The following ORC6 variants were observed in gnomAD, a reference collection of about 807,000 sequenced individuals.
ORC6 encodes the protein origin recognition complex, subunit 6 homolog-like (yeast).
A neutral mutation model predicts 30.0 loss-of-function variants in ORC6; 31 were observed. That is an observed-to-expected ratio of 1.03 (90% CI 0.78 to 1.40). The LOEUF is 1.40. Ranked by LOEUF, ORC6 falls within the 40% of genes most tolerant of loss-of-function variation. ORC6 has a pLI of 0.00. For missense variants in ORC6, 340 were observed against 304.3 expected (o/e 1.12, Z -0.87); for synonymous variants, 136 against 111.2 (o/e 1.22, Z -1.40).
rs747944499 is a variant in ORC6, at chr16:46,692,506, G to T, written c.320G>T (p.Cys107Phe). 6.2e-7 allele frequency: 1 copy of T among 1,613,868 alleles called. No homozygotes were observed. ...GIRDLAVQFS[C>F]IEAVNMASKI... The stretch of plus-strand genomic sequence containing the variant: ...AGAGACCTAGCTGTACAGTTTAGCT[G>T]TATAGAAGCAGTGAACATGGCTTCA... The change falls in exon 3 of 7, where the codon TGT becomes TTT. Residue 107 changes from cysteine (C) to phenylalanine (F), a missense_variant. Transcript: ENST00000219097.
Position 46,691,009 on chromosome 16 carries a change from G to C in ORC6, c.84G>C (p.Leu28Phe). ...TAACCAGGAAAGCAGAGGAGTACTT[G>C]CGCCTGTCCCGGGTGAAGTGTGTCG... Reference protein sequence around the residue: ...PDMLRKAEEYLRLSRVKCVGL... With the variant: ...PDMLRKAEEYFRLSRVKCVGL... The change falls in exon 2 of 7, where the codon TTG becomes TTC. Residue 28 changes from leucine (L) to phenylalanine (F), a missense_variant. Coordinates refer to ENST00000219097, the MANE Select transcript of ORC6 (RefSeq NM_014321.4). The C allele has an allele frequency of 6.2e-7, 1 of 1,614,250 alleles. No homozygotes were observed. Among genetic ancestry groups the C allele is most frequent in the Non-Finnish European group, 8.5e-7 (1 of 1,180,046 alleles).
Position 46,693,125 on chromosome 16 carries a change from T to C in ORC6, c.392T>C (p.Val131Ala). The change falls in exon 4 of 7, where the codon GTG becomes GCG. Residue 131 changes from valine to alanine, a missense_variant. Transcript: ENST00000219097. ...TCCAGTCTTCCCCAGACACAGCAAGTGGATCTTGACTTATCCAGGCCACTT... is the reference window on the plus strand; with the variant it reads ...TCCAGTCTTCCCCAGACACAGCAAGCGGATCTTGACTTATCCAGGCCACTT... ...YESSLPQTQQVDLDLSRPLFT... is the reference protein window; with the variant it reads ...YESSLPQTQQADLDLSRPLFT... 6.2e-7 allele frequency: 1 copy of C among 1,612,992 alleles called. No individual in the cohort carries two copies. Among genetic ancestry groups the C allele is most frequent in the Non-Finnish European group, 8.5e-7 (1 of 1,178,954 alleles).
chr16:46,696,239 AG>A, intron 6 of ORC6, 154 bp downstream of exon 6: 1 of 691,280 alleles, frequency 1.4e-6, no homozygotes, highest in East Asian at 2.7e-5. Context: ...CAGTAATGGA[AG>A]TAACATCGTT....
rs760343162 is a variant in ORC6 at position 46,689,723 on chromosome 16, C to G, written c.18C>G (p.Ile6Met). MGSEL[I>M]GRLAPRLGLA... ...CCGGCGCCATGGGGTCGGAGCTGAT[C>G]GGGCGCCTAGCCCCGCGCCTGGGCC... Residue 6 changes from isoleucine (I) to methionine (M), a missense_variant, in exon 1 of 7, where the codon ATC (isoleucine) becomes ATG (methionine). By Grantham distance (10) the Ile-to-Met change is conservative. Coordinates refer to ENST00000219097, the MANE Select transcript of ORC6 (RefSeq NM_014321.4). The G allele has an allele frequency of 3.1e-6, 5 of 1,602,220 alleles. No individual in the cohort carries two copies. In the East Asian group the frequency reaches 6.7e-5, roughly 22 times the overall value.
In ORC6 at chr16:46,697,482, C is replaced by T. The variant is rs750790860; in HGVS notation, c.656C>T (p.Pro219Leu). 9.3e-6 allele frequency: 15 copies of T among 1,613,000 alleles called. No individual in the cohort carries two copies. Among genetic ancestry groups the T allele is most frequent in the South Asian group, 2.2e-5 (2 of 91,032 alleles). The change falls in exon 7 of 7, where the codon CCA becomes CTA. Residue 219 changes from proline (P) to leucine (L), a missense_variant. Physicochemically the swap from Pro to Leu is moderately conservative, Grantham distance 98. Transcript: ENST00000219097. ...GAAATGGAGAAGGTAGAGGAGATGC[C>T]ACATAAACCACAGAAAGATGAAGAT... is the stretch of plus-strand genomic sequence containing the variant. ...AKEMEKVEEM[P>L]HKPQKDEDLT... is the part of the protein sequence containing the mutation.
chr16:46,692,887 G>C (rs1017509531), intron 3 of ORC6, among the ~76,000 whole-genome samples: 1 of 4,628 alleles, frequency 2.2e-4, no homozygotes, highest in Non-Finnish European at 5.7e-3. Flanking sequence ...CGGCGGTGGC[G>C]GTGGGGGGGA....
chr16:46,696,168 A>T (rs948456439), intron 6 of ORC6, 83 bp downstream of exon 6: 2 of 933,368 alleles, frequency 2.1e-6, no homozygotes, highest in African/African-American at 3.3e-5. Flanking sequence ...GCCTGACAGG[A>T]GTCCAGTTTT....
At position 46,692,468 on chromosome 16, in the gene ORC6, A is replaced by G. The variant is rs1443850869; in HGVS notation, c.282A>G (p.Ser94=). The G allele has an allele frequency of 1.2e-6, 2 of 1,613,614 alleles. No individual in the cohort carries two copies. The highest frequency in any genetic ancestry group is 1.7e-6 in the Non-Finnish European group (2 of 1,179,484). ...KSFECLLGLN[S]NIGIRDLAVQ... is the part of the protein sequence containing the mutation. Reference sequence around the variant, plus strand: ...TTGAGTGTTTACTGGGCCTGAATTCAAATATTGGAATAAGAGACCTAGCTG... The same window carrying G: ...TTGAGTGTTTACTGGGCCTGAATTCGAATATTGGAATAAGAGACCTAGCTG... Residue 94 remains serine, a synonymous_variant, in exon 3 of 7, where the codon TCA becomes TCG. Transcript: ENST00000219097.
At position 46,690,846 on chromosome 16, in the gene ORC6, G is replaced by A. The variant is rs766188043; in HGVS notation, c.66-145G>A. ...TGGTTCTGTCTTCCTCTCACCAGAG[G>A]ATATGACCTTCATTCCCAGCCCCAG... is the stretch of plus-strand genomic sequence containing the variant. On this transcript the variant is annotated intron_variant, in intron 1 of 6. Transcript: ENST00000219097. The A allele has an allele frequency of 3.7e-4, 292 of 787,072 alleles. 2 individuals are homozygous for A. The highest frequency in any genetic ancestry group is 9.9e-4 in the Middle Eastern group (3 of 3,030). The allele number at this position is 787,072 out of a possible 1,614,324, so 48.8% of individuals were successfully genotyped here.
chr16:46,691,973 C>CTCTCTCTCTCTCTCTG (rs2143010463), intron 2 of ORC6, among the ~76,000 whole-genome samples: 2 of 150,108 alleles, frequency 1.3e-5, no homozygotes, highest in East Asian at 3.9e-4. Flanking sequence ...CTCTCTCTCT[C>CTCTCTCTCTCTCTCTG]TCTCTCTCAC....
chr16:46,692,585 A>G lies in ORC6; in HGVS notation c.359+40A>G, dbSNP rs757719927. 7.0e-6 allele frequency: 11 copies of G among 1,573,418 alleles called. No homozygotes were observed. In the African/African-American group the frequency reaches 8.1e-5, roughly 12 times the overall value. ...GAACCTTAATTGAAAATGTATACCAATAGGCCGGGCGTGGTGGCTCACGCC... is the reference window on the plus strand; with the variant it reads ...GAACCTTAATTGAAAATGTATACCAGTAGGCCGGGCGTGGTGGCTCACGCC... On this transcript the variant is annotated intron_variant, in intron 3 of 6. Transcript: ENST00000219097.
intron 6 of ORC6, among the ~76,000 whole-genome samples, chr16:46,696,884 G>A (rs1966523153): frequency 6.6e-6 from 1 of 152,076 alleles, no homozygotes; most frequent in Non-Finnish European, 1.5e-5. Context: ...TTGAACTCCT[G>A]GGCTCAAGTG....
chr16:46,698,175 A>G lies in ORC6; in HGVS notation c.*590A>G, dbSNP rs138173645. 2.5e-5 allele frequency: 11 copies of G among 434,802 alleles called. No homozygotes were observed. In the East Asian group the frequency reaches 3.0e-4, roughly 12 times the overall value. The allele number at this position is 434,802 out of a possible 1,614,324, so 26.9% of individuals were successfully genotyped here. A position where few individuals can be genotyped will look rare whatever the true frequency, so the allele number is the denominator to read the frequency against. On this transcript the variant is annotated 3_prime_UTR_variant, in exon 7 of 7. Coordinates refer to ENST00000219097, the MANE Select transcript of ORC6 (RefSeq NM_014321.4). ...GAGCGAGACTTATAGATAGATAGAT[A>G]GATAGATGGATAGATAGATAGATAG...
Position 46,692,408 on chromosome 16 carries a change from G to A in ORC6, c.222G>A (p.Leu74=). 1 of 1,613,714 alleles carries A rather than the reference G, an allele frequency of 6.2e-7. No homozygotes were observed. Among genetic ancestry groups the A allele is most frequent in the South Asian group, 1.1e-5 (1 of 91,028 alleles). The change falls in exon 3 of 7, where the codon TTG becomes TTA. Residue 74 remains leucine (L), a synonymous_variant. Transcript: ENST00000219097. ...CTTATTTAATTAAACTTTCTGGTTT[G>A]AACAAGGAGACATATCAGAGCTGTC... The part of the protein sequence containing the change: ...DRAYLIKLSG[L]NKETYQSCLK...
chr16:46,695,705 T>C, intron 5 of ORC6, 31 bp downstream of exon 5: 1 of 1,357,070 alleles, frequency 7.4e-7, no homozygotes. Flanking sequence ...GAATGCGTCA[T>C]TTGAAAATGT....
chr16:46,691,006 C>G lies in ORC6; in HGVS notation c.81C>G (p.Tyr27Ter). Residue 27 changes from tyrosine (Y) to a stop codon, truncating the protein, a stop_gained, in exon 2 of 7, where the codon TAC (tyrosine) becomes TAG (stop). Coordinates refer to ENST00000219097, the MANE Select transcript of ORC6 (RefSeq NM_014321.4). LOFTEE classifies it high-confidence loss of function. Reference sequence around the variant, plus strand: ...TTTTAACCAGGAAAGCAGAGGAGTACTTGCGCCTGTCCCGGGTGAAGTGTG... The same window carrying G: ...TTTTAACCAGGAAAGCAGAGGAGTAGTTGCGCCTGTCCCGGGTGAAGTGTG... ...EPDMLRKAEE[Y>*]LRLSRVKCVG... The G allele has an allele frequency of 6.2e-7, 1 of 1,614,226 alleles. No homozygotes were observed. Among genetic ancestry groups the G allele is most frequent in the South Asian group, 1.1e-5 (1 of 91,088 alleles).
intron 4 of ORC6, chr16:46,693,394 A>G (rs1966471940): frequency 1.7e-6 from 1 of 598,690 alleles, no homozygotes; most frequent in Admixed American, 2.8e-5. Flanking sequence ...CCACTAGCAA[A>G]TAGCAGCTGT....
At chr16:46,690,858 A>G (rs1406053736) in intron 1 of ORC6, 133 bp from the exon 2 acceptor site, 1 of 885,028 alleles carries the variant, frequency 1.1e-6, no homozygotes, top group African/African-American at 1.6e-5. Context: ...TATGACCTTC[A>G]TTCCCAGCCC....
At position 46,691,785 on chromosome 16, in the gene ORC6, A is replaced by G. The variant is rs370329780; in HGVS notation, c.196-597A>G. On this transcript the variant is annotated intron_variant, in intron 2 of 6. Coordinates refer to ENST00000219097, the MANE Select transcript of ORC6 (RefSeq NM_014321.4). ...TGCAATACCTTGTTTTTTTCCTGCA[A>G]TGCTCTTCTGGCAAACTCCTATTTG... is the stretch of plus-strand genomic sequence containing the variant. Among the ~76,000 whole-genome samples the G allele has an allele frequency of 1.3e-4, 20 of 152,164 alleles. No homozygotes were observed. The East Asian group carries it at 2.3e-3, about 18-fold the overall frequency.
Sources: gnomAD v4.1 joint callset for allele counts (sites outside exome capture counted in the v4.1 genomes callset) on GRCh38, gnomAD v4.1.1 for gene constraint, MANE v1.5 for transcripts, NCBI Gene and HGNC (gene_info 2026-07-23, HGNC 2026-07-21) for gene names.